Variants in PBX1 observed in about 807,000 individuals in gnomAD.
PBX1 encodes the protein PBX homeobox 1, also known as pre-B-cell leukemia transcription factor 1.
A neutral mutation model predicts 53.4 loss-of-function variants in PBX1; 6 were observed. The ratio of observed to expected loss-of-function variants is 0.11; its 90% CI spans 0.06 to 0.22. The LOEUF is 0.22. Among genes scored for constraint, PBX1 ranks in the 10% least tolerant of loss-of-function variants. The probability of loss-of-function intolerance (pLI) is 1.00; values close to 1 mark genes in which losing one functional copy is unlikely to be tolerated. For missense variants in PBX1, 251 were observed against 551.4 expected (o/e 0.46, Z 5.46); for synonymous variants, 204 against 212.3 (o/e 0.96, Z 0.34).
intron 2 of PBX1, among the ~76,000 whole-genome samples, chr1:164,565,422 GACACACAC>G (rs36118857): frequency 6.8e-6 from 1 of 146,012 alleles, no homozygotes; most frequent in African/African-American, 2.5e-5. Context: ...TGTGTTAAGG[GACACACAC>G]ACACACACAC....
At chr1:164,754,100 C>A (rs185159205) in intron 2 of PBX1, among the ~76,000 whole-genome samples, 46 of 152,264 alleles carry the variant, frequency 3.0e-4, no homozygotes, top group African/African-American at 1.0e-3. Flanking sequence ...GGACTTAGAG[C>A]CTGTCCTAAT....
intron 2 of PBX1, among the ~76,000 whole-genome samples, chr1:164,872,627 A>G (rs1264810554): frequency 6.6e-6 from 1 of 152,194 alleles, no homozygotes; most frequent in African/African-American, 2.4e-5. Context: ...CAGACAATGC[A>G]CTTGCCTTTA....
intron 2 of PBX1, among the ~76,000 whole-genome samples, chr1:164,696,935 G>A (rs1330516260): frequency 6.6e-6 from 1 of 152,102 alleles, no homozygotes; most frequent in African/African-American, 2.4e-5. Context: ...TTGGGTTTTG[G>A]AGTCAGACTG....
At chr1:164,730,915 A>G (rs1664944292) in intron 2 of PBX1, among the ~76,000 whole-genome samples, 1 of 152,134 alleles carries the variant, frequency 6.6e-6, no homozygotes, top group African/African-American at 2.4e-5. Context: ...TTTTATCACT[A>G]TATTTTACTG....
intron 2 of PBX1, among the ~76,000 whole-genome samples, chr1:164,878,875 A>C (rs559980544): frequency 6.6e-6 from 1 of 152,354 alleles, no homozygotes; most frequent in South Asian, 2.1e-4. Flanking sequence ...ACTATGAGAC[A>C]GTCAAAGACA....
intron 2 of PBX1, among the ~76,000 whole-genome samples, chr1:164,638,049 C>T (rs1617837): frequency 1.3e-5 from 2 of 152,126 alleles, no homozygotes; most frequent in East Asian, 3.9e-4. Context: ...AATGTTTATA[C>T]GTTCCTTCGA....
At chr1:164,771,192 A>G (rs1557997815) in intron 2 of PBX1, 1 of 152,074 alleles carries the variant, frequency 6.6e-6, no homozygotes, top group Admixed American at 6.6e-5. Context: ...ATGTAGAAGT[A>G]TTTTTTTGCT....
intron 2 of PBX1, among the ~76,000 whole-genome samples, chr1:164,612,795 C>T (rs1657023704): frequency 6.6e-6 from 1 of 152,104 alleles, no homozygotes; most frequent in Admixed American, 6.5e-5. Flanking sequence ...TTGCTGGTGT[C>T]TCATGAGATG....
chr1:164,584,089 C>T (rs1463342525), intron 2 of PBX1, among the ~76,000 whole-genome samples: 15 of 152,004 alleles, frequency 9.9e-5, no homozygotes, highest in Non-Finnish European at 4.4e-5. Flanking sequence ...TGATGCCCAA[C>T]AAATGCTAGT....
chr1:164,767,840 C>T (rs1667144542), intron 2 of PBX1, among the ~76,000 whole-genome samples: 1 of 152,096 alleles, frequency 6.6e-6, no homozygotes, highest in Admixed American at 6.5e-5. Flanking sequence ...ATCACATCTG[C>T]CACTCTGGAC....
At chr1:164,681,492 T>C (rs1195727451) in intron 2 of PBX1, among the ~76,000 whole-genome samples, 1 of 152,236 alleles carries the variant, frequency 6.6e-6, no homozygotes, top group Non-Finnish European at 1.5e-5. Context: ...AGGTTAATTA[T>C]AGCCTCCTCT....
chr1:164,564,790 C>T (rs2101692631), intron 2 of PBX1, among the ~76,000 whole-genome samples: 1 of 151,588 alleles, frequency 6.6e-6, no homozygotes, highest in East Asian at 1.9e-4. Context: ...TCTATTAGCC[C>T]AGAGTAGGAA....
intron 2 of PBX1, among the ~76,000 whole-genome samples, chr1:164,635,563 G>A (rs1407582713): frequency 6.6e-6 from 1 of 152,220 alleles, no homozygotes; most frequent in Non-Finnish European, 1.5e-5. Context: ...TTGGGTCTGA[G>A]GCGCGCGCGG....
intron 2 of PBX1, among the ~76,000 whole-genome samples, chr1:164,608,218 G>A (rs1055481419): frequency 1.3e-5 from 2 of 152,160 alleles, no homozygotes; most frequent in Non-Finnish European, 2.9e-5. Flanking sequence ...TGAGTGCCCA[G>A]CATGTGCCAA....
intron 2 of PBX1, among the ~76,000 whole-genome samples, chr1:164,652,857 T>C (rs548988155): frequency 6.7e-6 from 1 of 149,322 alleles, no homozygotes; most frequent in Non-Finnish European, 1.5e-5. Flanking sequence ...CCATAGTTTA[T>C]TTTTGCCTGT....
intron 2 of PBX1, 150 bp downstream of exon 2, chr1:164,563,461 G>A: frequency 2.2e-6 from 1 of 458,440 alleles, no homozygotes; most frequent in East Asian, 3.5e-5. Flanking sequence ...TCCTAGCCCT[G>A]CTTTCCTTAA....
chr1:164,659,642 G>A (rs922491049), intron 2 of PBX1, among the ~76,000 whole-genome samples: 5 of 152,176 alleles, frequency 3.3e-5, no homozygotes, highest in Admixed American at 3.3e-4. Flanking sequence ...TGCAGAACCT[G>A]CCTCCCCCTT....
chr1:164,822,324 G>A (rs915409419), intron 8 of PBX1, among the ~76,000 whole-genome samples: 1 of 152,136 alleles, frequency 6.6e-6, no homozygotes, highest in Non-Finnish European at 1.5e-5. Context: ...CAAGAGGGCA[G>A]CCTGGAAAAG....
intron 2 of PBX1, among the ~76,000 whole-genome samples, chr1:164,755,345 C>T (rs968676952): frequency 6.6e-6 from 1 of 152,192 alleles, no homozygotes. Context: ...GATGAGGTTT[C>T]TCCATGTTGT....
Sources: gnomAD v4.1 joint callset for allele counts (sites outside exome capture counted in the v4.1 genomes callset) on GRCh38, gnomAD v4.1.1 for gene constraint, MANE v1.5 for transcripts, NCBI Gene and HGNC (gene_info 2026-07-23, HGNC 2026-07-21) for gene names.